ZNF699: variants seen among roughly 807,000 people sequenced by gnomAD.
The protein encoded by ZNF699 is zinc finger protein 699.
ZNF699 carries 18 observed loss-of-function variants against 22.5 expected under a neutral mutation model. That is an observed-to-expected ratio of 0.80 (90% confidence interval 0.55 to 1.19). The LOEUF is 1.19. ZNF699 is among the 50% of genes most tolerant of loss of function. The pLI, the probability that ZNF699 is intolerant of heterozygous loss-of-function variation, is 0.00. For synonymous variants in ZNF699, 241 were observed against 262.3 expected, an observed-to-expected ratio of 0.92 and a Z score of 0.78; for missense variants, 670 against 763.4, an observed-to-expected ratio of 0.88 and a Z score of 1.44.
In ZNF699 at chr19:9,291,854, C is replaced by G. The variant is rs1340949449; in HGVS notation, c.*3621G>C. 1 of 152,056 alleles carries G rather than the reference C, an allele frequency of 6.6e-6. No individual in the cohort carries two copies. The highest frequency in any genetic ancestry group is 1.5e-5 in the Non-Finnish European group (1 of 68,038). The allele number at this position is 152,056 out of a possible 1,614,324, so 9.4% of individuals were successfully genotyped here. ...TCCTGAGTAGCTGAGATTATAGGCACAGGCCACCACGCCTGGCTAATTTTT... is the reference window on the plus strand; with the variant it reads ...TCCTGAGTAGCTGAGATTATAGGCAGAGGCCACCACGCCTGGCTAATTTTT... On this transcript the variant is annotated 3_prime_UTR_variant, in exon 6 of 6. Transcript: ENST00000591998.
At chr19:9,300,094 T>C (rs914059584) in intron 3 of ZNF699, among the ~76,000 whole-genome samples, 1 of 152,190 alleles carries the variant, frequency 6.6e-6, no homozygotes, top group African/African-American at 2.4e-5. Context: ...CTCTCATTCA[T>C]TGCTGGCTGG....
chr19:9,296,818 C>G lies in ZNF699; in HGVS notation c.586G>C (p.Glu196Gln), dbSNP rs1437660004. Residue 196 changes from glutamate (E) to glutamine (Q), a missense_variant, in exon 6 of 6, where the codon GAA (glutamate) becomes CAA (glutamine). Glu to Gln is a conservative substitution (Grantham distance 29). Transcript: ENST00000591998. ...AAGGCCTTTCCACACTCATGGCATT[C>G]ACAGGATTTTACTTCAGTATTTCTC... is the stretch of plus-strand genomic sequence containing the variant. ...LKRNTEVKSC[E>Q]CHECGKAFVD... is the part of the protein sequence containing the mutation. 4 of 1,614,154 alleles carry G rather than the reference C, an allele frequency of 2.5e-6. No individual in the cohort carries two copies. The highest frequency in any genetic ancestry group is 2.2e-5 in the East Asian group (1 of 44,884).
intron 2 of ZNF699, 142 bp downstream of exon 2, chr19:9,304,930 A>AAC (rs2144983036): frequency 5.0e-6 from 3 of 595,926 alleles, no homozygotes; most frequent in East Asian, 3.3e-5. Flanking sequence ...TCAAAAAAAA[A>AAC]AAAAAAAAAA....
In ZNF699 at chr19:9,295,398, A is replaced by C. The variant is rs2066280405; in HGVS notation, c.*77T>G. 1 of 1,497,630 alleles carries C rather than the reference A, an allele frequency of 6.7e-7. No individual in the cohort carries two copies. The allele number at this position is 1,497,630 out of a possible 1,614,324, so 92.8% of individuals were successfully genotyped here. A position where few individuals can be genotyped will look rare whatever the true frequency, so the allele number is the denominator to read the frequency against. ...CAATTTCCTACTTTCTTACATTCAT[A>C]GGGTGTCTCCACAGTATGAGATCTC... On this transcript the variant is annotated 3_prime_UTR_variant, in exon 6 of 6. Coordinates refer to ENST00000591998, the MANE Select transcript of ZNF699 (RefSeq NM_198535.3).
rs975870791 is a variant in ZNF699 at position 9,296,508 on chromosome 19, CTTTT to C, written c.892_895del (p.Lys298GlufsTer53). On this transcript the variant is annotated frameshift_variant, in exon 6 of 6. Transcript: ENST00000591998. LOFTEE classifies it low-confidence loss of function (END_TRUNC). The stretch of plus-strand genomic sequence containing the variant: ...ATAAGGCTTATCTCCACTGTGAATT[CTTTT>C]GTGTTCTGTGAGCGATGAGGAACAA... 1.9e-6 allele frequency: 3 copies of C among 1,614,122 alleles called. No homozygotes were observed. Among genetic ancestry groups the C allele is most frequent in the African/African-American group, 2.7e-5 (2 of 75,026 alleles).
chr19:9,306,585 G>A (rs1359617837), intron 1 of ZNF699, among the ~76,000 whole-genome samples: 2 of 152,220 alleles, frequency 1.3e-5, no homozygotes, highest in Non-Finnish European at 2.9e-5. Context: ...CAACCCTGAT[G>A]TGAGAATGAC....
intron 3 of ZNF699, among the ~76,000 whole-genome samples, chr19:9,298,445 CAAA>C (rs758610688): frequency 4.9e-5 from 5 of 101,556 alleles, no homozygotes; most frequent in Admixed American, 1.1e-4. Context: ...GACTCTATCT[CAAA>C]AAAAAAAAAA....
intron 1 of ZNF699, among the ~76,000 whole-genome samples, chr19:9,308,053 A>G (rs2066334000): frequency 6.6e-6 from 1 of 152,146 alleles, no homozygotes; most frequent in Non-Finnish European, 1.5e-5. Flanking sequence ...AATCTTTTTT[A>G]AAACATAGTA....
rs544805619 is a variant in ZNF699, at chr19:9,293,128, C to CA, written c.*2346dup. The stretch of plus-strand genomic sequence containing the variant: ...CCAACCTGGGCACAAGAGTCCGTCT[C>CA]AAAAAAAAAAAAAAAGAAAAGAAAT... On this transcript the variant is annotated 3_prime_UTR_variant, in exon 6 of 6. Coordinates refer to ENST00000591998, the MANE Select transcript of ZNF699 (RefSeq NM_198535.3). Among the ~76,000 whole-genome samples the CA allele has an allele frequency of 0.24, 14,992 of 62,314 alleles. 1,170 individuals carry two copies. The highest frequency in any genetic ancestry group is 0.37 in the African/African-American group (7,358 of 19,914). 40.9% of individuals were successfully genotyped at this position (62,314 alleles called of 152,430 possible). A position where few individuals can be genotyped will look rare whatever the true frequency, so the allele number is the denominator to read the frequency against.
At chr19:9,308,904 C>A (rs572366535) in intron 1 of ZNF699, among the ~76,000 whole-genome samples, 14 of 152,300 alleles carry the variant, frequency 9.2e-5, no homozygotes, top group African/African-American at 9.6e-5. Context: ...ACAAATGATT[C>A]AAATGCATCA....
Position 9,303,886 on chromosome 19 carries a change from C to T in ZNF699, c.48+1186G>A, listed in dbSNP as rs961257836. 5.3e-5 allele frequency among the ~76,000 whole-genome samples: 8 copies of T among 151,360 alleles called. No homozygotes were observed. In the South Asian group the frequency reaches 6.3e-4, roughly 12 times the overall value. Reference sequence around the variant, plus strand: ...AGGCTGGAGTGCAGTGGCGCGATCTCGGCTCATTGCAACCTCCACCTCCCT... The same window carrying T: ...AGGCTGGAGTGCAGTGGCGCGATCTTGGCTCATTGCAACCTCCACCTCCCT... On this transcript the variant is annotated intron_variant, in intron 2 of 5. Coordinates refer to ENST00000591998, the MANE Select transcript of ZNF699 (RefSeq NM_198535.3).
chr19:9,298,055 C>A, intron 3 of ZNF699, 65 bp from the exon 4 acceptor site: 1 of 1,141,020 alleles, frequency 8.8e-7, no homozygotes. Flanking sequence ...TTCCATGAAA[C>A]AGAAACAAAA....
Position 9,296,127 on chromosome 19 carries a change from T to G in ZNF699, c.1277A>C (p.Lys426Thr), listed in dbSNP as rs755527148. 2 of 1,613,818 alleles carry G rather than the reference T, an allele frequency of 1.2e-6. No individual in the cohort carries two copies. The highest frequency in any genetic ancestry group is 2.7e-5 in the African/African-American group (2 of 74,826). ...EKPYECLECG[K>T]AFYLPTSLNT... The stretch of plus-strand genomic sequence containing the variant: ...AAGGGAAGTGGGAAGGTAGAAGGCC[T>G]TTCCACATTCCAGACATTCATACGG... The change falls in exon 6 of 6, where the codon AAG becomes ACG. Residue 426 changes from lysine to threonine, a missense_variant. Coordinates refer to ENST00000591998, the MANE Select transcript of ZNF699 (RefSeq NM_198535.3).
rs1300990865 is a variant in ZNF699, at chr19:9,309,530, T to C, written c.-186A>G. 6.6e-6 allele frequency: 1 copy of C among 152,328 alleles called. No individual in the cohort carries two copies. Among genetic ancestry groups the C allele is most frequent in the Non-Finnish European group, 1.5e-5 (1 of 68,090 alleles). 9.4% of individuals were successfully genotyped at this position (152,328 alleles called of 1,614,324 possible). A position where few individuals can be genotyped will look rare whatever the true frequency, so the allele number is the denominator to read the frequency against. On this transcript the variant is annotated 5_prime_UTR_variant, in exon 1 of 6. Coordinates refer to ENST00000591998, the MANE Select transcript of ZNF699 (RefSeq NM_198535.3). The stretch of plus-strand genomic sequence containing the variant: ...CCTGCATCAGAATCACCCCGATTTC[T>C]GTACCCAGACCAGAGTTCCCGATTC...
chr19:9,299,385 CG>C (rs374253414), intron 3 of ZNF699, among the ~76,000 whole-genome samples: 183 of 152,300 alleles, frequency 1.2e-3, no homozygotes, highest in African/African-American at 4.2e-3. Flanking sequence ...TCACCCGCCT[CG>C]GCCTCCCAAA....
chr19:9,303,318 G>C (rs2066314849), intron 2 of ZNF699, among the ~76,000 whole-genome samples: 1 of 152,162 alleles, frequency 6.6e-6, no homozygotes, highest in Non-Finnish European at 1.5e-5. Context: ...CAAGTTAAAA[G>C]GCTGTCAATT....
rs1269935820 is a variant in ZNF699, at chr19:9,291,502, A to C, written c.*3973T>G. 1 of 152,162 alleles carries C rather than the reference A, an allele frequency of 6.6e-6. No individual in the cohort carries two copies. The highest frequency in any genetic ancestry group is 2.4e-5 in the African/African-American group (1 of 41,452). The allele number at this position is 152,162 out of a possible 1,614,324, so 9.4% of individuals were successfully genotyped here. On this transcript the variant is annotated 3_prime_UTR_variant, in exon 6 of 6. Transcript: ENST00000591998. Reference sequence around the variant, plus strand: ...AAGAGGAAACCATGGTCTCTTTGATAAATCTATATACACACACCTTGATCC... The same window carrying C: ...AAGAGGAAACCATGGTCTCTTTGATCAATCTATATACACACACCTTGATCC...
At chr19:9,300,771 G>A (rs1434395645) in intron 3 of ZNF699, among the ~76,000 whole-genome samples, 1 of 152,212 alleles carries the variant, frequency 6.6e-6, no homozygotes, top group African/African-American at 2.4e-5. Context: ...ATCAGTAGTT[G>A]CCAAGATTTA....
chr19:9,292,029 CAT>C lies in ZNF699; in HGVS notation c.*3444_*3445del, dbSNP rs1224967467. ...GCAGCAATCTTTAGCAATCTAAACA[CAT>C]GTTAATGGATGACACCTGACCTTTC... On this transcript the variant is annotated 3_prime_UTR_variant, in exon 6 of 6. Transcript: ENST00000591998. 6.6e-6 allele frequency among the ~76,000 whole-genome samples: 1 copy of C among 152,152 alleles called. No homozygotes were observed. The highest frequency in any genetic ancestry group is 1.5e-5 in the Non-Finnish European group (1 of 68,036).
Sources: allele counts gnomAD v4.1 joint callset (sites outside exome capture counted in the v4.1 genomes callset), GRCh38; gene constraint gnomAD v4.1.1; transcripts MANE v1.5; gene names NCBI Gene and HGNC (gene_info 2026-07-23, HGNC 2026-07-21).